The following SLC9C2 variants were observed in gnomAD, a reference collection of about 807,000 sequenced individuals.
SLC9C2 encodes solute carrier family 9 member C2 (putative).
Under a neutral mutation model 140.2 loss-of-function variants are expected in SLC9C2, and 75 were observed. That is an observed-to-expected ratio of 0.53 (90% confidence interval 0.44 to 0.65). The LOEUF is 0.65. Ranked by LOEUF, SLC9C2 falls within the 30% of genes least tolerant of loss-of-function variation. The probability of loss-of-function intolerance (pLI) is 0.00; values close to 1 mark genes in which losing one functional copy is unlikely to be tolerated. For missense variants in SLC9C2, 1,074 were observed against 1,331.8 expected (o/e 0.81, Z 3.01); for synonymous variants, 375 against 420.9 (o/e 0.89, Z 1.34).
intron 8 of SLC9C2, 131 bp from the exon 9 acceptor site, chr1:173,573,456 T>C (rs899911087): frequency 6.5e-6 from 4 of 615,936 alleles, no homozygotes; most frequent in Admixed American, 4.1e-5. Flanking sequence ...ATCTCTGTTA[T>C]AGTCAACATT....
At chr1:173,507,352 T>C (rs1304914949) in intron 24 of SLC9C2, among the ~76,000 whole-genome samples, 2 of 152,114 alleles carry the variant, frequency 1.3e-5, no homozygotes, top group East Asian at 1.9e-4. Flanking sequence ...TCTTAAAAGA[T>C]TCAGAGTTTC....
intron 8 of SLC9C2, among the ~76,000 whole-genome samples, chr1:173,574,682 T>G (rs1180508506): frequency 6.6e-6 from 1 of 151,608 alleles, no homozygotes; most frequent in Non-Finnish European, 1.5e-5. Flanking sequence ...GGCTAATTTT[T>G]TGTATTTTTA....
At chr1:173,533,381 C>T (rs972179538) in intron 17 of SLC9C2, among the ~76,000 whole-genome samples, 6 of 152,106 alleles carry the variant, frequency 3.9e-5, no homozygotes, top group African/African-American at 1.2e-4. Context: ...TGGGCTCAAG[C>T]GATCCTCCCA....
At chr1:173,559,739 C>G (rs375580873) in intron 9 of SLC9C2, among the ~76,000 whole-genome samples, 4 of 152,336 alleles carry the variant, frequency 2.6e-5, no homozygotes, top group African/African-American at 9.6e-5. Flanking sequence ...AGTACAATCT[C>G]GGGCCTACTG....
At position 173,502,089 on chromosome 1, in the gene SLC9C2, T is replaced by G. The variant is rs1480628327; in HGVS notation, c.3372-992A>C. On this transcript the variant is annotated intron_variant, in intron 27 of 27. Transcript: ENST00000367714. ...GAGATCGAGACCATCCTGGCTAACA[T>G]GGTGAAACCCTGTCACTACTAAAAA... Among the ~76,000 whole-genome samples, 5 of 151,880 alleles carry G rather than the reference T, an allele frequency of 3.3e-5. No individual in the cohort carries two copies. In the East Asian group the frequency reaches 5.9e-4, roughly 18 times the overall value.
chr1:173,590,780 G>A (rs1282383535), intron 4 of SLC9C2, among the ~76,000 whole-genome samples: 2 of 152,176 alleles, frequency 1.3e-5, no homozygotes, highest in African/African-American at 2.4e-5. Flanking sequence ...CCAAAGGGAT[G>A]ATTCACTTCC....
intron 23 of SLC9C2, among the ~76,000 whole-genome samples, chr1:173,516,926 C>A (rs1178411639): frequency 6.6e-6 from 1 of 152,202 alleles, no homozygotes; most frequent in Non-Finnish European, 1.5e-5. Flanking sequence ...TTTATACTCC[C>A]ACTAACAGTG....
chr1:173,577,740 T>C (rs1327370018), intron 7 of SLC9C2, among the ~76,000 whole-genome samples: 1 of 152,228 alleles, frequency 6.6e-6, no homozygotes, highest in African/African-American at 2.4e-5. Flanking sequence ...AAGCAATGAA[T>C]AAGTGATAAT....
intron 13 of SLC9C2, among the ~76,000 whole-genome samples, chr1:173,543,554 C>T (rs545227844): frequency 6.6e-6 from 1 of 152,250 alleles, no homozygotes; most frequent in Non-Finnish European, 1.5e-5. Context: ...CAAGACAATC[C>T]TAACCAAAAC....
Position 173,552,939 on chromosome 1 carries a change from C to A in SLC9C2, c.1297+1794G>T, listed in dbSNP as rs187898497. On this transcript the variant is annotated intron_variant, in intron 11 of 27. Transcript: ENST00000367714. Reference sequence around the variant, plus strand: ...GGATGTAGGGAAAATCAATAAAAAACCTCATGGATAGAATTCACCATTCTA... The same window carrying A: ...GGATGTAGGGAAAATCAATAAAAAAACTCATGGATAGAATTCACCATTCTA... Among the ~76,000 whole-genome samples, 994 of 152,294 alleles carry A rather than the reference C, an allele frequency of 6.5e-3. 6 individuals carry two copies. The highest frequency in any genetic ancestry group is 0.014 in the South Asian group (70 of 4,828).
chr1:173,547,613 C>T, intron 13 of SLC9C2, 76 bp downstream of exon 13: 1 of 1,102,818 alleles, frequency 9.1e-7, no homozygotes, highest in Admixed American at 2.1e-5. Flanking sequence ...GTTTTCAAGT[C>T]ATCTGAAAAT....
At position 173,524,896 on chromosome 1, in the gene SLC9C2, GACA is replaced by G; in HGVS notation, c.2394_2396del (p.Val799del). ...TTGCCTGTTTAGTCTTCAAAGCAAT[GACA>G]ACATCACGACCCTCATGCTCCATGA... On this transcript the variant is annotated inframe_deletion, in exon 20 of 28. Transcript: ENST00000367714. 6.2e-7 allele frequency: 1 copy of G among 1,613,978 alleles called. No individual in the cohort carries two copies. Among genetic ancestry groups the G allele is most frequent in the Non-Finnish European group, 8.5e-7 (1 of 1,179,946 alleles).
chr1:173,533,849 G>T (rs1364549235), intron 16 of SLC9C2, 52 bp from the exon 17 acceptor site: 2 of 1,476,060 alleles, frequency 1.4e-6, no homozygotes, highest in African/African-American at 1.5e-5. Flanking sequence ...AATGTTGGGG[G>T]GAAGAAATCT....
intron 7 of SLC9C2, 66 bp downstream of exon 7, chr1:173,581,781 G>A: frequency 1.5e-6 from 2 of 1,341,510 alleles, no homozygotes; most frequent in Non-Finnish European, 2.0e-6. Context: ...TTCAAGATCA[G>A]GAAAAAATAA....
At chr1:173,511,388 G>A (rs1393770452) in intron 23 of SLC9C2, among the ~76,000 whole-genome samples, 1 of 151,942 alleles carries the variant, frequency 6.6e-6, no homozygotes, top group Non-Finnish European at 1.5e-5. Context: ...ATTTCATTGC[G>A]GTTTTGATTT....
In SLC9C2 at chr1:173,587,950, A is replaced by C. The variant is rs1416978488; in HGVS notation, c.358-120T>G. 4 of 726,200 alleles carry C rather than the reference A, an allele frequency of 5.5e-6. No individual in the cohort carries two copies. The Admixed American group carries it at 1.2e-4, about 22-fold the overall frequency. The allele number at this position is 726,200 out of a possible 1,614,324, so 45.0% of individuals were successfully genotyped here. ...ATGTTATACAATTACCCTGGAAGAT[A>C]ACTTTAAAAGGTATTCTAGTTTAAC... On this transcript the variant is annotated intron_variant, in intron 4 of 27. Coordinates refer to ENST00000367714, the MANE Select transcript of SLC9C2 (RefSeq NM_178527.4).
intron 13 of SLC9C2, among the ~76,000 whole-genome samples, chr1:173,546,929 A>T (rs6699404): frequency 2.6e-5 from 4 of 152,030 alleles, no homozygotes; most frequent in African/African-American, 9.7e-5. Flanking sequence ...AGACTAATAC[A>T]TAAGATGGGG....
intron 2 of SLC9C2, 74 bp from the exon 3 acceptor site, chr1:173,600,291 C>A: frequency 9.8e-7 from 1 of 1,021,348 alleles, no homozygotes; most frequent in Non-Finnish European, 1.4e-6. Context: ...CACTTTTGCA[C>A]CATCCCAAAG....
At chr1:173,530,100 G>A (rs1431331194) in intron 17 of SLC9C2, 46 bp from the exon 18 acceptor site, 1 of 1,525,138 alleles carries the variant, frequency 6.6e-7, no homozygotes, top group Non-Finnish European at 8.8e-7. Context: ...ATTTGATGAG[G>A]AAAAGCACCC....
Sources: allele counts gnomAD v4.1 joint callset (sites outside exome capture counted in the v4.1 genomes callset), GRCh38; gene constraint gnomAD v4.1.1; transcripts MANE v1.5; gene names NCBI Gene and HGNC (gene_info 2026-07-23, HGNC 2026-07-21).